The following PIK3C3 variants were observed in gnomAD, a reference collection of about 807,000 sequenced individuals.
The protein encoded by PIK3C3 is phosphatidylinositol 3-kinase catalytic subunit type 3.
In PIK3C3, 95 loss-of-function variants were observed where a neutral mutation model predicts 126.1. That is an observed-to-expected ratio of 0.75 (90% CI 0.64 to 0.89). PIK3C3 has a LOEUF of 0.89. Among genes scored for constraint, PIK3C3 ranks in the 40% least tolerant of loss-of-function variants. The pLI, the probability that PIK3C3 is intolerant of heterozygous loss-of-function variation, is 0.00. For missense variants in PIK3C3, 829 were observed against 1,063.2 expected, an observed-to-expected ratio of 0.78 and a Z score of 3.06; for synonymous variants, 374 against 360.0, an observed-to-expected ratio of 1.04 and a Z score of -0.44.
chr18:41,996,045 G>A (rs755852304), intron 8 of PIK3C3, 51 bp downstream of exon 8: 4 of 1,189,594 alleles, frequency 3.4e-6, no homozygotes, highest in South Asian at 1.3e-5. Flanking sequence ...GGGTGTTCTG[G>A]TTGAAACTGA....
At chr18:41,987,762 C>T (rs1310699070) in intron 4 of PIK3C3, 50 bp from the exon 5 acceptor site, 1 of 1,276,316 alleles carries the variant, frequency 7.8e-7, no homozygotes, top group African/African-American at 1.5e-5. Flanking sequence ...TTTGGTCCTT[C>T]TTTCTACTAG....
intron 13 of PIK3C3, chr18:42,025,987 A>G (rs1180279625): frequency 1.3e-5 from 2 of 152,210 alleles, no homozygotes; most frequent in Non-Finnish European, 2.9e-5. Context: ...GGCTGAATAC[A>G]GAGTATACTC....
rs1986370101 is a variant in PIK3C3, at chr18:42,085,007, A to G, written c.*3870A>G. Reference sequence around the variant, plus strand: ...AATTTGAGGCTCTGTTACGCTGGTCATCCAACCCAACCAGGTATCTCTTGT... The same window carrying G: ...AATTTGAGGCTCTGTTACGCTGGTCGTCCAACCCAACCAGGTATCTCTTGT... On this transcript the variant is annotated 3_prime_UTR_variant, in exon 25 of 25. Transcript: ENST00000262039. The G allele has an allele frequency of 6.6e-6, 1 of 152,238 alleles. No homozygotes were observed. Among genetic ancestry groups the G allele is most frequent in the South Asian group, 2.1e-4 (1 of 4,834 alleles). The allele number at this position is 152,238 out of a possible 1,614,324, so 9.4% of individuals were successfully genotyped here. A position where few individuals can be genotyped will look rare whatever the true frequency, so the allele number is the denominator to read the frequency against.
At position 42,074,037 on chromosome 18, in the gene PIK3C3, G is replaced by T. The variant is rs896210831; in HGVS notation, c.2649+6524G>T. Among the ~76,000 whole-genome samples the T allele has an allele frequency of 5.3e-5, 8 of 152,126 alleles. 1 individual carries two copies. Among genetic ancestry groups the T allele is most frequent in the African/African-American group, 1.4e-4 (6 of 41,426 alleles). On this transcript the variant is annotated intron_variant, in intron 24 of 24. Coordinates refer to ENST00000262039, the MANE Select transcript of PIK3C3 (RefSeq NM_002647.4). ...AGTTAAGAGATCAGTACTTGTGCTG[G>T]TGTTAACTCTTCCATTTTTTAGTTA... is the stretch of plus-strand genomic sequence containing the variant.
chr18:42,003,426 G>A (rs1037774536), intron 9 of PIK3C3, among the ~76,000 whole-genome samples: 2 of 152,084 alleles, frequency 1.3e-5, no homozygotes, highest in Non-Finnish European at 2.9e-5. Flanking sequence ...TGGAAAGCAA[G>A]TACATGCTTT....
intron 22 of PIK3C3, among the ~76,000 whole-genome samples, chr18:42,060,792 A>G (rs1985282017): frequency 6.6e-6 from 1 of 152,164 alleles, no homozygotes; most frequent in African/African-American, 2.4e-5. Flanking sequence ...AAGAAAAAAA[A>G]TTTAAAAAAA....
chr18:42,052,025 A>C (rs919533824), intron 21 of PIK3C3, among the ~76,000 whole-genome samples: 3 of 151,852 alleles, frequency 2.0e-5, no homozygotes, highest in African/African-American at 7.2e-5. Context: ...TTGCCAGTGG[A>C]AAAAAAGGTA....
Position 41,970,213 on chromosome 18 carries a change from C to G in PIK3C3, c.402-114C>G, listed in dbSNP as rs1980587462. ...ATTCCATTGGGGGCTTAAAGCTTGG[C>G]AGTGGAGATATACATTTCCATGTAT... is the stretch of plus-strand genomic sequence containing the variant. On this transcript the variant is annotated intron_variant, in intron 3 of 24. Coordinates refer to ENST00000262039, the MANE Select transcript of PIK3C3 (RefSeq NM_002647.4). 3.6e-6 allele frequency: 3 copies of G among 825,782 alleles called. No homozygotes were observed. The South Asian group carries it at 5.1e-5, about 14-fold the overall frequency. The allele number at this position is 825,782 out of a possible 1,614,324, so 51.2% of individuals were successfully genotyped here. A position where few individuals can be genotyped will look rare whatever the true frequency, so the allele number is the denominator to read the frequency against.
chr18:41,996,665 C>A lies in PIK3C3; in HGVS notation c.919C>A (p.Gln307Lys). Residue 307 changes from glutamine (Q) to lysine (K), a missense_variant, in exon 9 of 25, where the codon CAA (glutamine) becomes AAA (lysine). Around this residue, in one of 4 missense-constraint regions of PIK3C3, gnomAD observed 64 missense variants for 118.7 expected, o/e 0.54. Transcript: ENST00000262039. ...TATTGTGAGTTATCCACCAACCAAG[C>A]AACTTACATATGAAGAACAAGATCT... ...NIIVSYPPTKQLTYEEQDLVW... is the reference protein window; with the variant it reads ...NIIVSYPPTKKLTYEEQDLVW... 6.4e-7 allele frequency: 1 copy of A among 1,573,002 alleles called. No individual in the cohort carries two copies. The highest frequency in any genetic ancestry group is 8.6e-7 in the Non-Finnish European group (1 of 1,158,108).
chr18:42,046,327 A>C (rs941955688), intron 20 of PIK3C3, among the ~76,000 whole-genome samples: 1 of 152,108 alleles, frequency 6.6e-6, no homozygotes, highest in African/African-American at 2.4e-5. Flanking sequence ...TGCAGGGTGT[A>C]AGAAAAAAAT....
intron 9 of PIK3C3, among the ~76,000 whole-genome samples, chr18:41,999,661 T>C: frequency 6.6e-6 from 1 of 152,314 alleles, no homozygotes; most frequent in East Asian, 1.9e-4. Context: ...TAAGGATATT[T>C]ACACATAATT....
chr18:41,994,722 G>A (rs192772329), intron 7 of PIK3C3, among the ~76,000 whole-genome samples: 22 of 152,056 alleles, frequency 1.4e-4, no homozygotes, highest in African/African-American at 5.1e-4. Flanking sequence ...ACTCCAAATG[G>A]ATCTGTAATC....
rs956572856 is a variant in PIK3C3 at position 42,082,472 on chromosome 18, C to A, written c.*1335C>A. On this transcript the variant is annotated 3_prime_UTR_variant, in exon 25 of 25. Transcript: ENST00000262039. ...TAGAAAAATGGTAAAAATGAAAATA[C>A]CTTTGTACATCATCTTAAGAGAGCT... The A allele has an allele frequency of 6.6e-6, 1 of 152,130 alleles. No homozygotes were observed. The highest frequency in any genetic ancestry group is 2.4e-5 in the African/African-American group (1 of 41,408). 9.4% of individuals were successfully genotyped at this position (152,130 alleles called of 1,614,324 possible).
In PIK3C3 at chr18:42,004,336, T is replaced by A; in HGVS notation, c.985-20T>A. On this transcript the variant is annotated intron_variant, in intron 9 of 24. Coordinates refer to ENST00000262039, the MANE Select transcript of PIK3C3 (RefSeq NM_002647.4). ...CAGGAAATAGGCTGTTTCTAATTTTTAAATATTTTCTGATTTTAGGCCTTG... is the reference window on the plus strand; with the variant it reads ...CAGGAAATAGGCTGTTTCTAATTTTAAAATATTTTCTGATTTTAGGCCTTG... The A allele has an allele frequency of 6.3e-7, 1 of 1,592,532 alleles. No individual in the cohort carries two copies. Among genetic ancestry groups the A allele is most frequent in the Non-Finnish European group, 8.6e-7 (1 of 1,165,378 alleles).
chr18:42,039,640 A>C (rs958529251), intron 18 of PIK3C3, among the ~76,000 whole-genome samples: 2 of 152,218 alleles, frequency 1.3e-5, no homozygotes, highest in African/African-American at 4.8e-5. Context: ...TGTCTCAAAC[A>C]TTCTTTGCTC....
intron 5 of PIK3C3, among the ~76,000 whole-genome samples, chr18:41,989,203 T>C (rs975253384): frequency 6.6e-6 from 1 of 152,018 alleles, no homozygotes; most frequent in Non-Finnish European, 1.5e-5. Flanking sequence ...CTGATTAGCT[T>C]CCCAAGTTGC....
At chr18:42,076,137 T>TGC (rs1568013680) in intron 24 of PIK3C3, among the ~76,000 whole-genome samples, 6 of 80,886 alleles carry the variant, frequency 7.4e-5, no homozygotes, top group Non-Finnish European at 1.4e-4. Flanking sequence ...TATATATATA[T>TGC]ATATATGCGC....
chr18:42,019,381 A>G (rs534981194), intron 12 of PIK3C3, among the ~76,000 whole-genome samples: 58 of 152,244 alleles, frequency 3.8e-4, no homozygotes, highest in African/African-American at 1.3e-3. Context: ...CCTTTAGTCC[A>G]TATCATTCTG....
At chr18:41,959,947 C>T (rs1160880297) in intron 2 of PIK3C3, among the ~76,000 whole-genome samples, 1 of 131,614 alleles carries the variant, frequency 7.6e-6, no homozygotes, top group African/African-American at 3.2e-5. Context: ...TTAAATAGTC[C>T]TTATTTATAA....
Sources: gnomAD v4.1 joint callset for allele counts (sites outside exome capture counted in the v4.1 genomes callset) on GRCh38, gnomAD v4.1.1 for gene constraint, gnomAD v4.1.1 regional missense constraint, MANE v1.5 for transcripts, NCBI Gene and HGNC (gene_info 2026-07-23, HGNC 2026-07-21) for gene names.